The following PTPRD variants were observed in gnomAD, a reference collection of about 807,000 sequenced individuals.
The protein encoded by PTPRD is receptor-type tyrosine-protein phosphatase delta.
In PTPRD, 34 loss-of-function variants were observed where a neutral mutation model predicts 214.5. The observed-to-expected ratio is 0.16, with a 90% CI of 0.12 to 0.21. The LOEUF (loss-of-function observed/expected upper bound fraction) is 0.21, where lower values mean the gene tolerates loss of function less well. PTPRD is among the 10% of genes least tolerant of loss of function. The probability of loss-of-function intolerance (pLI) is 1.00; values close to 1 mark genes in which losing one functional copy is unlikely to be tolerated. For missense variants in PTPRD, 2,545 were observed against 2,398.7 expected (o/e 1.06, Z -1.27); for synonymous variants, 1,128 against 845.7 (o/e 1.33, Z -5.79).
chr9:8,834,229 C>T (rs960094476), intron 11 of PTPRD, among the ~76,000 whole-genome samples: 2 of 151,964 alleles, frequency 1.3e-5, no homozygotes, highest in Admixed American at 6.6e-5. Flanking sequence ...ATAATTATAA[C>T]AGACAAGGAA....
At chr9:10,586,868 T>C (rs1188631121) in intron 2 of PTPRD, among the ~76,000 whole-genome samples, 1 of 151,928 alleles carries the variant, frequency 6.6e-6, no homozygotes, top group African/African-American at 2.4e-5. Context: ...TTGTAGATTT[T>C]CCTTTGTTTT....
intron 3 of PTPRD, among the ~76,000 whole-genome samples, chr9:10,290,371 G>A (rs2095492579): frequency 6.6e-6 from 1 of 152,028 alleles, no homozygotes; most frequent in Non-Finnish European, 1.5e-5. Context: ...TCTAAAGGAG[G>A]CATTGATGCA....
chr9:9,595,980 A>G (rs996963565), intron 7 of PTPRD, among the ~76,000 whole-genome samples: 6 of 151,978 alleles, frequency 3.9e-5, no homozygotes, highest in Non-Finnish European at 7.4e-5. Context: ...AAATATTCCT[A>G]TTAGTATCCA....
At chr9:9,576,796 A>T (rs1398718036) in intron 7 of PTPRD, among the ~76,000 whole-genome samples, 2 of 152,188 alleles carry the variant, frequency 1.3e-5, no homozygotes, top group African/African-American at 4.8e-5. Context: ...TATAGCGCAG[A>T]AACAATAATT....
At chr9:9,397,284 T>C (rs2068256128) in intron 9 of PTPRD, among the ~76,000 whole-genome samples, 165 bp downstream of exon 9, 1 of 151,988 alleles carries the variant, frequency 6.6e-6, no homozygotes, top group Admixed American at 6.6e-5. Context: ...AGTCTTACTT[T>C]TAATTGAAAA....
At chr9:8,716,701 C>T (rs1038919185) in intron 12 of PTPRD, among the ~76,000 whole-genome samples, 2 of 152,134 alleles carry the variant, frequency 1.3e-5, no homozygotes, top group African/African-American at 4.8e-5. Context: ...GGAGCATGCA[C>T]TCCCAAATAG....
At chr9:8,976,213 C>G (rs545488162) in intron 11 of PTPRD, among the ~76,000 whole-genome samples, 1 of 152,154 alleles carries the variant, frequency 6.6e-6, no homozygotes. Context: ...TGTGTTTAAA[C>G]TATTTGATAG....
intron 10 of PTPRD, among the ~76,000 whole-genome samples, chr9:9,130,773 T>C (rs1247251621): frequency 6.6e-6 from 1 of 152,156 alleles, no homozygotes; most frequent in Non-Finnish European, 1.5e-5. Context: ...ATTTATTAGG[T>C]TGCTGAGCTA....
chr9:8,672,783 C>G (rs1271157429), intron 12 of PTPRD, among the ~76,000 whole-genome samples: 13 of 129,724 alleles, frequency 1.0e-4, no homozygotes, highest in African/African-American at 3.9e-4. Context: ...TATAATGTCC[C>G]TAGTTAGCAA....
rs562620482 is a variant in PTPRD at position 10,199,253 on chromosome 9, T to C, written c.-545+141710A>G. On this transcript the variant is annotated intron_variant, in intron 3 of 45. Coordinates refer to ENST00000381196, the MANE Select transcript of PTPRD (RefSeq NM_002839.4). ...GTCTAAGGCATTCTATTTCTTACCG[T>C]AATTACTTAGTGTATAGTTAGTTCT... 2.6e-5 allele frequency among the ~76,000 whole-genome samples: 4 copies of C among 152,224 alleles called. 1 individual carries two copies. In the East Asian group the frequency reaches 7.7e-4, roughly 29 times the overall value.
chr9:9,423,574 T>C (rs2079656640), intron 8 of PTPRD, among the ~76,000 whole-genome samples: 1 of 152,166 alleles, frequency 6.6e-6, no homozygotes, highest in Admixed American at 6.6e-5. Context: ...AACAGAAACA[T>C]ACTCATAAGT....
intron 7 of PTPRD, among the ~76,000 whole-genome samples, chr9:9,667,879 G>A (rs964044659): frequency 1.3e-5 from 2 of 152,262 alleles, no homozygotes; most frequent in South Asian, 2.1e-4. Flanking sequence ...ATGGTCTGGG[G>A]TGGAGAGCTC....
chr9:8,953,715 G>C (rs1452447969), intron 11 of PTPRD, among the ~76,000 whole-genome samples: 1 of 151,974 alleles, frequency 6.6e-6, no homozygotes, highest in Non-Finnish European at 1.5e-5. Context: ...CTTAACAGAA[G>C]ACATACAAGC....
At chr9:9,563,038 CCT>C (rs1216380288) in intron 8 of PTPRD, among the ~76,000 whole-genome samples, 1 of 152,098 alleles carries the variant, frequency 6.6e-6, no homozygotes, top group Non-Finnish European at 1.5e-5. Context: ...TAATAAATCA[CCT>C]TTTTCAACTG....
chr9:9,547,823 CAT>C (rs2079160617), intron 8 of PTPRD, among the ~76,000 whole-genome samples: 1 of 151,382 alleles, frequency 6.6e-6, no homozygotes, highest in Non-Finnish European at 1.5e-5. Context: ...CACACACACA[CAT>C]CAGGAAAAAG....
At chr9:10,361,037 G>T (rs551992012) in intron 2 of PTPRD, among the ~76,000 whole-genome samples, 54 of 152,250 alleles carry the variant, frequency 3.5e-4, no homozygotes, top group African/African-American at 1.2e-3. Context: ...GGGAGGCGGA[G>T]CTTGTAGTGA....
At chr9:8,912,043 T>G (rs2098751995) in intron 11 of PTPRD, among the ~76,000 whole-genome samples, 1 of 152,152 alleles carries the variant, frequency 6.6e-6, no homozygotes. Flanking sequence ...GGAATACTCA[T>G]ACATTACTAG....
chr9:8,317,038 CAAAAT>C lies in PTPRD; in HGVS notation c.*831_*835del, dbSNP rs1267415950. The C allele has an allele frequency of 1.7e-5, 4 of 231,366 alleles. No homozygotes were observed. In the East Asian group the frequency reaches 1.8e-4, roughly 11 times the overall value. 14.3% of individuals were successfully genotyped at this position (231,366 alleles called of 1,614,324 possible). Reference sequence around the variant, plus strand: ...CTCCCTGTTGATTCCAAAAACAAAACAAAATAATAATTATCTTTGATTATTTGAAG... The same window carrying C: ...CTCCCTGTTGATTCCAAAAACAAAACAATAATTATCTTTGATTATTTGAAG... On this transcript the variant is annotated 3_prime_UTR_variant, in exon 46 of 46. Transcript: ENST00000381196.
intron 5 of PTPRD, among the ~76,000 whole-genome samples, chr9:9,850,094 C>A (rs140013524): frequency 5.9e-5 from 9 of 152,194 alleles, no homozygotes; most frequent in African/African-American, 1.9e-4. Flanking sequence ...CCCGTCACAC[C>A]CCAGATCCAC....
Sources: gnomAD v4.1 joint callset for allele counts (sites outside exome capture counted in the v4.1 genomes callset) on GRCh38, gnomAD v4.1.1 for gene constraint, MANE v1.5 for transcripts, NCBI Gene and HGNC (gene_info 2026-07-23, HGNC 2026-07-21) for gene names.